FBXL2: variants seen among roughly 807,000 people sequenced by gnomAD.
FBXL2 encodes F-box/LRR-repeat protein 2.
Under a neutral mutation model 69.2 loss-of-function variants are expected in FBXL2, and 38 were observed. The observed-to-expected ratio is 0.55, with a 90% CI of 0.42 to 0.72. The LOEUF is 0.72. Among genes scored for constraint, FBXL2 ranks in the 30% least tolerant of loss-of-function variants. The pLI is 0.00. For synonymous variants in FBXL2, 192 were observed against 201.3 expected (o/e 0.95, Z 0.39); for missense variants, 354 against 520.3 (o/e 0.68, Z 3.11).
downstream of FBXL2, among the ~76,000 whole-genome samples, chr3:33,408,396 G>A (rs1442452275): frequency 6.6e-6 from 1 of 152,070 alleles, no homozygotes; most frequent in Non-Finnish European, 1.5e-5. Flanking sequence ...GAGAGGGAGG[G>A]AAGGAGGAAG....
chr3:33,357,776 A>G (rs1193337793), intron 2 of FBXL2, among the ~76,000 whole-genome samples: 2 of 151,956 alleles, frequency 1.3e-5, no homozygotes, highest in African/African-American at 2.4e-5. Flanking sequence ...TGATCCGCCC[A>G]CCTCGGCCTC....
intron 2 of FBXL2, among the ~76,000 whole-genome samples, chr3:33,317,300 A>C (rs1004372913): frequency 3.3e-5 from 5 of 152,128 alleles, no homozygotes; most frequent in African/African-American, 1.2e-4. Context: ...TTCTTTTCAC[A>C]GAGAATACAC....
chr3:33,373,048 G>A (rs1353545847), intron 5 of FBXL2, 44 bp from the exon 6 acceptor site: 6 of 1,563,774 alleles, frequency 3.8e-6, no homozygotes, highest in Non-Finnish European at 5.3e-6. Flanking sequence ...TCTAGTGGCT[G>A]TCCAGCAACT....
chr3:33,359,863 A>G (rs548077760), intron 4 of FBXL2, among the ~76,000 whole-genome samples: 58 of 152,298 alleles, frequency 3.8e-4, no homozygotes, highest in African/African-American at 1.2e-3. Flanking sequence ...TACAATTATT[A>G]TATACAGAAT....
At chr3:33,413,546 CAAAAA>C in the FBXL2 span, among the ~76,000 whole-genome samples, 2 of 55,416 alleles carry the variant, frequency 3.6e-5, no homozygotes, top group Non-Finnish European at 7.5e-5. Context: ...GACTCCATCA[CAAAAA>C]AAAAAAAAAA....
chr3:33,396,073 G>A, intron 12 of FBXL2: 1 of 1,215,684 alleles, frequency 8.2e-7, no homozygotes, highest in Middle Eastern at 2.9e-4. Flanking sequence ...AACACAGCAA[G>A]AGTTCTCCAA....
At chr3:33,326,501 G>A (rs1220413474) in intron 2 of FBXL2, among the ~76,000 whole-genome samples, 11 of 138,952 alleles carry the variant, frequency 7.9e-5, no homozygotes, top group Admixed American at 5.2e-4. Context: ...GCGAGACTCC[G>A]TCTCAAAAAA....
the FBXL2 span, among the ~76,000 whole-genome samples, chr3:33,414,593 G>A: frequency 6.6e-6 from 1 of 152,146 alleles, no homozygotes; most frequent in African/African-American, 2.4e-5. Flanking sequence ...CCTAGGGCCA[G>A]GAAATAAAAC....
chr3:33,422,571 A>T, the FBXL2 span, among the ~76,000 whole-genome samples: 27 of 151,984 alleles, frequency 1.8e-4, no homozygotes, highest in South Asian at 4.2e-4. Context: ...AATTTTTTTT[A>T]AAAATTTGCC....
chr3:33,416,867 C>T, the FBXL2 span: 359 of 1,540,646 alleles, frequency 2.3e-4, no homozygotes, highest in Middle Eastern at 8.4e-4. Context: ...AAAAACAATC[C>T]TTATAAAGAA....
At chr3:33,411,982 T>A in the FBXL2 span, among the ~76,000 whole-genome samples, 1 of 150,474 alleles carries the variant, frequency 6.6e-6, no homozygotes, top group Non-Finnish European at 1.5e-5. Flanking sequence ...AGGTCAGGAG[T>A]TTGAGACCAG....
chr3:33,319,425 T>G (rs970040053), intron 2 of FBXL2, among the ~76,000 whole-genome samples: 3 of 152,214 alleles, frequency 2.0e-5, no homozygotes, highest in African/African-American at 7.2e-5. Flanking sequence ...TTTTTAACTT[T>G]AAGAAATAAT....
At chr3:33,371,056 T>C (rs1213121175) in intron 5 of FBXL2, among the ~76,000 whole-genome samples, 1 of 152,230 alleles carries the variant, frequency 6.6e-6, no homozygotes, top group East Asian at 1.9e-4. Flanking sequence ...TGTTTCGTTT[T>C]TGATAGTTGC....
intron 5 of FBXL2, among the ~76,000 whole-genome samples, chr3:33,371,689 A>G (rs897566547): frequency 2.0e-5 from 3 of 152,080 alleles, no homozygotes; most frequent in Non-Finnish European, 4.4e-5. Flanking sequence ...TGAAAACATG[A>G]TAATTTTTTG....
At chr3:33,379,539 G>T (rs1036818713) in intron 13 of FBXL2, among the ~76,000 whole-genome samples, 1 of 150,704 alleles carries the variant, frequency 6.6e-6, no homozygotes, top group Non-Finnish European at 1.5e-5. Flanking sequence ...ATTTTTAGTA[G>T]AGACGGGGTT....
Position 33,387,758 on chromosome 3 carries a change from G to A in FBXL2, c.*2150G>A, listed in dbSNP as rs1410996056. The A allele has an allele frequency of 6.6e-6, 1 of 151,888 alleles. No homozygotes were observed. The highest frequency in any genetic ancestry group is 1.5e-5 in the Non-Finnish European group (1 of 67,998). 9.4% of individuals were successfully genotyped at this position (151,888 alleles called of 1,614,324 possible). On this transcript the variant is annotated 3_prime_UTR_variant, in exon 15 of 15. Transcript: ENST00000484457. ...CCATGGCCTCATTTACAAAACAGGA[G>A]AACCTCTTGTAAGAAAATCAGGTTT...
At chr3:33,298,605 A>T (rs1394875369) in intron 2 of FBXL2, among the ~76,000 whole-genome samples, 10 of 150,164 alleles carry the variant, frequency 6.7e-5, no homozygotes, top group African/African-American at 2.4e-4. Flanking sequence ...CTGAGGCAGG[A>T]GAATCATTTG....
rs1164340649 is a variant in FBXL2, at chr3:33,386,811, A to ATCAATCAG, written c.*1206_*1207insATCAGTCA. 1 of 151,728 alleles carries ATCAATCAG rather than the reference A, an allele frequency of 6.6e-6. No individual in the cohort carries two copies. The highest frequency in any genetic ancestry group is 2.4e-5 in the African/African-American group (1 of 41,202). 9.4% of individuals were successfully genotyped at this position (151,728 alleles called of 1,614,324 possible). On this transcript the variant is annotated 3_prime_UTR_variant, in exon 15 of 15. Coordinates refer to ENST00000484457, the MANE Select transcript of FBXL2 (RefSeq NM_012157.5). ...TATGATCTTTATTAAGAACCTGTCA[A>ATCAATCAG]TCAGTCATCACCACCTTCATTGTAA... is the stretch of plus-strand genomic sequence containing the variant.
chr3:33,377,315 T>C lies in FBXL2; in HGVS notation c.831T>C (p.Gly277=). 2 of 1,614,128 alleles carry C rather than the reference T, an allele frequency of 1.2e-6. No homozygotes were observed. Among genetic ancestry groups the C allele is most frequent in the Non-Finnish European group, 1.7e-6 (2 of 1,180,002 alleles). The change falls in exon 11 of 15, where the codon GGT becomes GGC. Residue 277 remains glycine, a synonymous_variant. Coordinates refer to ENST00000484457, the MANE Select transcript of FBXL2 (RefSeq NM_012157.5). ...AARCSHLTDA[G]FTLLARNCHE... Reference sequence around the variant, plus strand: ...GATGCTCCCATTTGACTGACGCAGGTTTTACACTTTTAGCTCGGGTAAGGC... The same window carrying C: ...GATGCTCCCATTTGACTGACGCAGGCTTTACACTTTTAGCTCGGGTAAGGC...
Sources: allele counts gnomAD v4.1 joint callset (sites outside exome capture counted in the v4.1 genomes callset), GRCh38; gene constraint gnomAD v4.1.1; transcripts MANE v1.5; gene names NCBI Gene and HGNC (gene_info 2026-07-23, HGNC 2026-07-21).